Variants in SMG1 observed in about 807,000 individuals in gnomAD.
The protein encoded by SMG1 is serine/threonine-protein kinase SMG1.
Under a neutral mutation model 419.9 loss-of-function variants are expected in SMG1, and 22 were observed. The observed-to-expected ratio is 0.05, with a 90% CI of 0.04 to 0.07. SMG1 has a LOEUF of 0.07. Among genes scored for constraint, SMG1 ranks in the 10% least tolerant of loss-of-function variants. The pLI is 1.00. For synonymous variants in SMG1, 1,538 were observed against 1,553.5 expected (o/e 0.99, Z 0.23); for missense variants, 3,185 against 4,342.0 (o/e 0.73, Z 7.49).
intron 55 of SMG1, among the ~76,000 whole-genome samples, chr16:18,821,245 TTTTTTTC>T: frequency 3.0e-5 from 1 of 32,822 alleles, no homozygotes; most frequent in Non-Finnish European, 7.4e-5. Flanking sequence ...TTTTTTCTTT[TTTTTTTC>T]TTTTTTTTTT....
chr16:18,861,016 A>G, intron 25 of SMG1: 2 of 397,574 alleles, frequency 5.0e-6, no homozygotes, highest in South Asian at 5.6e-5. Context: ...CTTTCAGTGG[A>G]GCTGACTCGC....
In SMG1 at chr16:18,877,381, A is replaced by G. The variant is rs959302637; in HGVS notation, c.1519-149T>C. ...CTACATGGCATTCTGGAAAAGGCAA[A>G]ACGACGGAGACAGTAAAAAGATCAG... On this transcript the variant is annotated intron_variant, in intron 11 of 62. Transcript: ENST00000446231. 64 of 513,844 alleles carry G rather than the reference A, an allele frequency of 1.2e-4. 1 individual carries two copies. Among genetic ancestry groups the G allele is most frequent in the Non-Finnish European group, 2.0e-4 (58 of 288,952 alleles). 31.8% of individuals were successfully genotyped at this position (513,844 alleles called of 1,614,324 possible). A position where few individuals can be genotyped will look rare whatever the true frequency, so the allele number is the denominator to read the frequency against.
chr16:18,862,403 T>C (rs1175800667), intron 25 of SMG1, among the ~76,000 whole-genome samples: 3 of 152,230 alleles, frequency 2.0e-5, no homozygotes, highest in Non-Finnish European at 2.9e-5. Context: ...CTCTAGAGTA[T>C]AGAGACTGAA....
chr16:18,881,895 T>C (rs2036414693), intron 10 of SMG1, among the ~76,000 whole-genome samples: 1 of 152,090 alleles, frequency 6.6e-6, no homozygotes. Context: ...AAATATTATT[T>C]AAAAACGAAA....
At chr16:18,876,913 G>C (rs927797304) in intron 12 of SMG1, among the ~76,000 whole-genome samples, 15 of 151,910 alleles carry the variant, frequency 9.9e-5, no homozygotes, top group Non-Finnish European at 1.6e-4. Flanking sequence ...AACAGCAAAA[G>C]ATGCATAGTC....
At position 18,919,708 on chromosome 16, in the gene SMG1, T is replaced by C. The variant is rs578176219; in HGVS notation, c.92+6242A>G. 3.4e-5 allele frequency among the ~76,000 whole-genome samples: 5 copies of C among 146,946 alleles called. No individual in the cohort carries two copies. In the East Asian group the frequency reaches 8.3e-4, roughly 24 times the overall value. On this transcript the variant is annotated intron_variant, in intron 1 of 62. Transcript: ENST00000446231. Reference sequence around the variant, plus strand: ...CACACACACACACACACAATCTCCCTAGAAGCATCAATATTTACTGAATTA... The same window carrying C: ...CACACACACACACACACAATCTCCCCAGAAGCATCAATATTTACTGAATTA...
rs1209080342 is a variant in SMG1 at position 18,806,852 on chromosome 16, C to T, written c.*2717G>A. 6.6e-6 allele frequency: 1 copy of T among 152,202 alleles called. No homozygotes were observed. The highest frequency in any genetic ancestry group is 1.5e-5 in the Non-Finnish European group (1 of 68,038). The allele number at this position is 152,202 out of a possible 1,614,324, so 9.4% of individuals were successfully genotyped here. On this transcript the variant is annotated 3_prime_UTR_variant, in exon 63 of 63. Coordinates refer to ENST00000446231, the MANE Select transcript of SMG1 (RefSeq NM_015092.5). ...TGACTTCATAACTACAGCACTCTAACTTTTCTCAGTCTAACTGCTGAGGTC... is the reference window on the plus strand; with the variant it reads ...TGACTTCATAACTACAGCACTCTAATTTTTCTCAGTCTAACTGCTGAGGTC...
chr16:18,829,484 A>G lies in SMG1; in HGVS notation c.9405T>C (p.Asp3135=), dbSNP rs766398692. The change falls in exon 54 of 63, where the codon GAT becomes GAC. Residue 3135 remains aspartate (D), a synonymous_variant. Transcript: ENST00000446231. Reference sequence around the variant, plus strand: ...GTTCCACCGCTTTCTTACAGAGATCATCAACAGAAACTTTGCTTTCGGCAC... The same window carrying G: ...GTTCCACCGCTTTCTTACAGAGATCGTCAACAGAAACTTTGCTTTCGGCAC... ...DFGAESKVSV[D]DLCKKAVEHN... 42 of 1,613,926 alleles carry G rather than the reference A, an allele frequency of 2.6e-5. No individual in the cohort carries two copies. The East Asian group carries it at 9.4e-4, about 36-fold the overall frequency.
In SMG1 at chr16:18,859,451, T is replaced by C. The variant is rs1213947899; in HGVS notation, c.3953+105A>G. 14 of 633,760 alleles carry C rather than the reference T, an allele frequency of 2.2e-5. No homozygotes were observed. The Admixed American group carries it at 3.3e-4, about 15-fold the overall frequency. The allele number at this position is 633,760 out of a possible 1,614,324, so 39.3% of individuals were successfully genotyped here. On this transcript the variant is annotated intron_variant, in intron 27 of 62. Transcript: ENST00000446231. The stretch of plus-strand genomic sequence containing the variant: ...ACAACTAAAATGAAGCTATTAGCAC[T>C]AGTATTTAGTAATCTAGTAACTCTC...
intron 1 of SMG1, among the ~76,000 whole-genome samples, chr16:18,897,827 T>C (rs2037194071): frequency 6.6e-6 from 1 of 151,354 alleles, no homozygotes; most frequent in Admixed American, 6.6e-5. Flanking sequence ...AACAAAATAA[T>C]CTATTATAGC....
intron 22 of SMG1, among the ~76,000 whole-genome samples, chr16:18,867,349 C>T (rs906962518): frequency 1.3e-5 from 2 of 152,030 alleles, no homozygotes; most frequent in South Asian, 2.1e-4. Context: ...GCCTGGCCAA[C>T]ATGGTGAAAC....
At chr16:18,816,923 G>C (rs2032051020) in intron 57 of SMG1, among the ~76,000 whole-genome samples, 1 of 151,956 alleles carries the variant, frequency 6.6e-6, no homozygotes, top group Non-Finnish European at 1.5e-5. Flanking sequence ...GCTATTTCTG[G>C]CCTTCACTAA....
chr16:18,877,230 A>C lies in SMG1; in HGVS notation c.1521T>G (p.Ile507Met). ...IISVLNLLTLIVEQINTKLPS... is the reference protein window; with the variant it reads ...IISVLNLLTLMVEQINTKLPS... ...GCAGTTTCGTATTTATCTGTTCAAC[A>C]ATCTAAAAGAATAAAATTTTTAAAA... Residue 507 changes from isoleucine to methionine, a missense_variant and splice_region_variant, in exon 12 of 63, where the codon ATT becomes ATG. By Grantham distance (10) the Ile-to-Met change is conservative. Coordinates refer to ENST00000446231, the MANE Select transcript of SMG1 (RefSeq NM_015092.5). The C allele has an allele frequency of 6.6e-7, 1 of 1,522,522 alleles. No homozygotes were observed. Among genetic ancestry groups the C allele is most frequent in the Non-Finnish European group, 8.8e-7 (1 of 1,135,540 alleles). 94.3% of individuals were successfully genotyped at this position (1,522,522 alleles called of 1,614,324 possible). A position where few individuals can be genotyped will look rare whatever the true frequency, so the allele number is the denominator to read the frequency against.
At position 18,806,964 on chromosome 16, in the gene SMG1, T is replaced by A. The variant is rs981817946; in HGVS notation, c.*2605A>T. ...ATACAGACCAGGGCCTTGTCCAGAG[T>A]GCAGTAAGGAGCAGGCTTTTGAAGT... On this transcript the variant is annotated 3_prime_UTR_variant, in exon 63 of 63. Transcript: ENST00000446231. 1 of 152,194 alleles carries A rather than the reference T, an allele frequency of 6.6e-6. No individual in the cohort carries two copies. The highest frequency in any genetic ancestry group is 1.9e-4 in the East Asian group (1 of 5,196). 9.4% of individuals were successfully genotyped at this position (152,194 alleles called of 1,614,324 possible). A position where few individuals can be genotyped will look rare whatever the true frequency, so the allele number is the denominator to read the frequency against.
intron 19 of SMG1, among the ~76,000 whole-genome samples, chr16:18,869,532 G>C (rs891603805): frequency 6.6e-6 from 1 of 152,060 alleles, no homozygotes; most frequent in Admixed American, 6.5e-5. Context: ...GCTTATGCCA[G>C]TCAGGAATGA....
chr16:18,840,771 C>T (rs961188415), intron 41 of SMG1, among the ~76,000 whole-genome samples: 12 of 152,138 alleles, frequency 7.9e-5, no homozygotes, highest in African/African-American at 2.9e-4. Context: ...AATTTAAAAG[C>T]ATGGTAAATC....
intron 1 of SMG1, among the ~76,000 whole-genome samples, chr16:18,923,179 A>G (rs2142040059): frequency 6.6e-6 from 1 of 152,340 alleles, no homozygotes; most frequent in East Asian, 1.9e-4. Context: ...GTATGCTTCT[A>G]TGGAACACGG....
chr16:18,864,805 A>G (rs2035411682), intron 23 of SMG1, among the ~76,000 whole-genome samples: 2 of 152,098 alleles, frequency 1.3e-5, no homozygotes, highest in Non-Finnish European at 1.5e-5. Context: ...AAACACACAT[A>G]TCTCATTTCC....
chr16:18,852,035 C>T (rs1382337644), intron 33 of SMG1, 32 bp downstream of exon 33: 2 of 1,563,540 alleles, frequency 1.3e-6, no homozygotes, highest in East Asian at 2.3e-5. Context: ...TTTGGAGTAG[C>T]AATCTTGCCC....
Sources: allele counts gnomAD v4.1 joint callset (sites outside exome capture counted in the v4.1 genomes callset), GRCh38; gene constraint gnomAD v4.1.1; transcripts MANE v1.5; gene names NCBI Gene and HGNC (gene_info 2026-07-23, HGNC 2026-07-21).